ANKS1B: variants seen among roughly 807,000 people sequenced by gnomAD.
ANKS1B encodes ankyrin repeat and sterile alpha motif domain containing 1B.
A neutral mutation model predicts 148.3 loss-of-function variants in ANKS1B; 36 were observed. That is an observed-to-expected ratio of 0.24 (90% CI 0.19 to 0.32). The LOEUF (loss-of-function observed/expected upper bound fraction) is 0.32. ANKS1B is among the 10% of genes least tolerant of loss of function. ANKS1B has a pLI of 1.00. For synonymous variants in ANKS1B, 542 were observed against 560.8 expected (o/e 0.97, Z 0.47); for missense variants, 1,157 against 1,542.6 (o/e 0.75, Z 4.19).
intron 10 of ANKS1B, among the ~76,000 whole-genome samples, chr12:99,464,591 G>A (rs557752431): frequency 6.6e-6 from 1 of 152,262 alleles, no homozygotes; most frequent in Non-Finnish European, 1.5e-5. Flanking sequence ...ACAGAGAAGT[G>A]CTTAAAGGAG....
At chr12:99,682,437 A>C (rs191531052) in intron 8 of ANKS1B, among the ~76,000 whole-genome samples, 1 of 152,336 alleles carries the variant, frequency 6.6e-6, no homozygotes, top group Admixed American at 6.5e-5. Flanking sequence ...AGTGCAATAA[A>C]ATTGGAACAA....
intron 17 of ANKS1B, among the ~76,000 whole-genome samples, chr12:99,015,730 G>C (rs779262520): frequency 1.3e-5 from 2 of 152,114 alleles, no homozygotes; most frequent in African/African-American, 4.8e-5. Context: ...GCCTGGCGTG[G>C]TGGCAGGCAC....
At chr12:99,475,063 G>C (rs1006256750) in intron 10 of ANKS1B, among the ~76,000 whole-genome samples, 5 of 150,690 alleles carry the variant, frequency 3.3e-5, no homozygotes, top group African/African-American at 1.2e-4. Flanking sequence ...ATGGTGAAAT[G>C]CCATCTGTAC....
At chr12:99,090,823 T>A (rs1422141636) in intron 15 of ANKS1B, among the ~76,000 whole-genome samples, 2 of 152,156 alleles carry the variant, frequency 1.3e-5, no homozygotes, top group East Asian at 3.8e-4. Context: ...ATTATTCCTC[T>A]GTCAGTGTTG....
intron 9 of ANKS1B, among the ~76,000 whole-genome samples, chr12:99,607,914 G>C (rs2097862704): frequency 6.6e-6 from 1 of 152,032 alleles, no homozygotes; most frequent in African/African-American, 2.4e-5. Context: ...ATGTGGACTA[G>C]ATTTTAGGCT....
chr12:99,225,281 T>C (rs539805554), intron 14 of ANKS1B, among the ~76,000 whole-genome samples: 1 of 152,202 alleles, frequency 6.6e-6, no homozygotes, highest in Admixed American at 6.5e-5. Flanking sequence ...CACGCCTTGA[T>C]AATATTGTTA....
downstream of ANKS1B, chr12:98,743,924 C>T: frequency 4.6e-6 from 4 of 875,110 alleles, no homozygotes; most frequent in African/African-American, 3.6e-5. Flanking sequence ...TTTGGTTCTG[C>T]TCCTAAATGG....
intron 17 of ANKS1B, among the ~76,000 whole-genome samples, chr12:98,983,310 G>T (rs183308932): frequency 1.3e-5 from 2 of 152,256 alleles, no homozygotes; most frequent in Admixed American, 6.5e-5. Flanking sequence ...TCTGTTAGCT[G>T]CTAAGGACCA....
intron 10 of ANKS1B, among the ~76,000 whole-genome samples, chr12:99,485,382 G>A (rs1485410343): frequency 6.6e-6 from 1 of 152,052 alleles, no homozygotes; most frequent in African/African-American, 2.4e-5. Flanking sequence ...TAGTCTGATA[G>A]GTTTTCCTTT....
At chr12:99,456,953 G>A (rs983503537) in intron 10 of ANKS1B, among the ~76,000 whole-genome samples, 4 of 151,958 alleles carry the variant, frequency 2.6e-5, no homozygotes, top group South Asian at 2.1e-4. Context: ...AAAGATCATC[G>A]CCTAGGCACC....
intron 9 of ANKS1B, among the ~76,000 whole-genome samples, chr12:99,511,462 T>A (rs1431708440): frequency 6.6e-6 from 1 of 151,998 alleles, no homozygotes; most frequent in Non-Finnish European, 1.5e-5. Context: ...ATAGGAAGAA[T>A]CAATATCGTG....
intron 23 of ANKS1B, 172 bp from the exon 24 acceptor site, chr12:98,781,375 T>C (rs1472481363): frequency 1.5e-6 from 1 of 674,314 alleles, no homozygotes; most frequent in East Asian, 2.8e-5. Flanking sequence ...CTAATTTTAA[T>C]GTCTGCCTCT....
At chr12:99,236,899 C>T (rs537911459) in intron 14 of ANKS1B, among the ~76,000 whole-genome samples, 142 of 152,030 alleles carry the variant, frequency 9.3e-4, no homozygotes, top group African/African-American at 3.3e-3. Flanking sequence ...AGCTAAATGA[C>T]GAGAACACAT....
At chr12:99,642,081 T>A (rs2098313672) in intron 9 of ANKS1B, among the ~76,000 whole-genome samples, 1 of 152,180 alleles carries the variant, frequency 6.6e-6, no homozygotes, top group South Asian at 2.1e-4. Flanking sequence ...TTAACATCAC[T>A]ATTAACATCA....
At chr12:98,825,375 G>C (rs1030197777) in intron 19 of ANKS1B, among the ~76,000 whole-genome samples, 3 of 152,098 alleles carry the variant, frequency 2.0e-5, no homozygotes, top group African/African-American at 7.2e-5. Context: ...TATTAAGCTT[G>C]CAACTGAATT....
intron 1 of ANKS1B, among the ~76,000 whole-genome samples, chr12:99,879,052 C>T (rs1388966407): frequency 6.6e-6 from 1 of 152,104 alleles, no homozygotes; most frequent in Non-Finnish European, 1.5e-5. Context: ...GAATGAGGTA[C>T]TAGAAGGGTG....
At chr12:99,208,077 G>C (rs1179460150) in intron 14 of ANKS1B, among the ~76,000 whole-genome samples, 1 of 152,058 alleles carries the variant, frequency 6.6e-6, no homozygotes, top group Non-Finnish European at 1.5e-5. Flanking sequence ...GTTCTTAATA[G>C]GAAATAGTAA....
intron 24 of ANKS1B, 102 bp from the exon 25 acceptor site, chr12:98,773,281 G>T: frequency 7.3e-7 from 1 of 1,376,734 alleles, no homozygotes; most frequent in Non-Finnish European, 9.7e-7. Flanking sequence ...CTTCTTTCTG[G>T]AGTGTTCTAG....
At chr12:99,141,134 T>C (rs2070590294) in intron 15 of ANKS1B, among the ~76,000 whole-genome samples, 1 of 152,118 alleles carries the variant, frequency 6.6e-6, no homozygotes, top group African/African-American at 2.4e-5. Context: ...CCTCTTTTTC[T>C]ACCTAATCAT....
Sources: gnomAD v4.1 joint callset for allele counts (sites outside exome capture counted in the v4.1 genomes callset) on GRCh38, gnomAD v4.1.1 for gene constraint, MANE v1.5 for transcripts, NCBI Gene and HGNC (gene_info 2026-07-23, HGNC 2026-07-21) for gene names.